Variants in CAMK1 observed in about 807,000 individuals in gnomAD.
CAMK1 encodes the protein calcium/calmodulin-dependent protein kinase type 1.
CAMK1 carries 39 observed loss-of-function variants against 49.1 expected under a neutral mutation model. The ratio of observed to expected loss-of-function variants is 0.79; its 90% confidence interval spans 0.62 to 1.04. The LOEUF is 1.04. Among genes scored for constraint, CAMK1 ranks in the 50% least tolerant of loss-of-function variants. The pLI, the probability that CAMK1 is intolerant of heterozygous loss-of-function variation, is 0.00. For synonymous variants in CAMK1, 192 were observed against 185.2 expected (o/e 1.04, Z -0.30); for missense variants, 457 against 472.2 (o/e 0.97, Z 0.30).
At position 9,764,381 on chromosome 3, in the gene CAMK1, T is replaced by A. The variant is rs190018254; in HGVS notation, c.216-1168A>T. Among the ~76,000 whole-genome samples the A allele has an allele frequency of 1.7e-3, 258 of 152,228 alleles. 3 individuals are homozygous for A. The highest frequency in any genetic ancestry group is 0.011 in the Admixed American group (163 of 15,284). On this transcript the variant is annotated intron_variant, in intron 3 of 11. Transcript: ENST00000256460. ...AGGCTGGAGTGCAATGGCATGATCT[T>A]GGCTCATCACAATTTCTGCCTCCTG...
At position 9,759,755 on chromosome 3, in the gene CAMK1, A is replaced by AC; in HGVS notation, c.746-6dup. ...AGTGCCGGATGAAATCTTTGGCTAAACCCCCAAGACAAAAGCAAAGATAAT... is the reference window on the plus strand; with the variant it reads ...AGTGCCGGATGAAATCTTTGGCTAAACCCCCCAAGACAAAAGCAAAGATAAT... On this transcript the variant is annotated splice_region_variant and splice_polypyrimidine_tract_variant and intron_variant, in intron 8 of 11. Transcript: ENST00000256460. 1 of 1,613,788 alleles carries AC rather than the reference A, an allele frequency of 6.2e-7. No homozygotes were observed. The highest frequency in any genetic ancestry group is 1.3e-5 in the African/African-American group (1 of 74,884).
Position 9,759,707 on chromosome 3 carries a change from T to C in CAMK1, c.789A>G (p.Lys263=). 6.2e-7 allele frequency: 1 copy of C among 1,614,146 alleles called. No individual in the cohort carries two copies. The highest frequency in any genetic ancestry group is 8.5e-7 in the Non-Finnish European group (1 of 1,180,024). The change falls in exon 9 of 12, where the codon AAA becomes AAG. Residue 263 remains lysine (K), a synonymous_variant. Coordinates refer to ENST00000256460, the MANE Select transcript of CAMK1 (RefSeq NM_003656.5). ...IRHLMEKDPE[K]RFTCEQALQH... is the part of the protein sequence containing the mutation. ...GCAAGGCCTGCTCACAGGTGAATCTTTTCTCTGGGTCCTTCTCCATCAAGT... is the reference window on the plus strand; with the variant it reads ...GCAAGGCCTGCTCACAGGTGAATCTCTTCTCTGGGTCCTTCTCCATCAAGT...
chr3:9,761,820 T>G, intron 5 of CAMK1, 63 bp from the exon 6 acceptor site: 1 of 1,592,016 alleles, frequency 6.3e-7, no homozygotes, highest in Non-Finnish European at 8.6e-7. Context: ...TAGAACCTTC[T>G]GCCGCTCCAA....
chr3:9,760,410 G>A, intron 8 of CAMK1: 1 of 443,118 alleles, frequency 2.3e-6, no homozygotes, highest in Admixed American at 3.6e-5. Flanking sequence ...ATAGGGGAGA[G>A]GTATTTTCAA....
Position 9,757,995 on chromosome 3 carries a change from C to T in CAMK1, c.913-149G>A, listed in dbSNP as rs2077666320. 1.5e-6 allele frequency: 2 copies of T among 1,298,064 alleles called. No homozygotes were observed. Among genetic ancestry groups the T allele is most frequent in the Non-Finnish European group, 2.1e-6 (2 of 970,822 alleles). The allele number at this position is 1,298,064 out of a possible 1,614,324, so 80.4% of individuals were successfully genotyped here. On this transcript the variant is annotated intron_variant, in intron 10 of 11. Coordinates refer to ENST00000256460, the MANE Select transcript of CAMK1 (RefSeq NM_003656.5). This position sits in a 1 kb window ranked among gnomAD's most constrained non-coding sequence, Gnocchi z 4.5. Reference sequence around the variant, plus strand: ...AATTCCCCTAAAGCCCCCCAAAAACCTCTACAAGGCTTTATTATATATTTA... The same window carrying T: ...AATTCCCCTAAAGCCCCCCAAAAACTTCTACAAGGCTTTATTATATATTTA...
chr3:9,760,421 A>C (rs2077798772), intron 8 of CAMK1: 1 of 463,040 alleles, frequency 2.2e-6, no homozygotes, highest in East Asian at 4.0e-5. Context: ...GTATTTTCAA[A>C]TAGACTATGT....
Position 9,759,512 on chromosome 3 carries a change from C to T in CAMK1, c.888G>A (p.Lys296=). The T allele has an allele frequency of 6.2e-7, 1 of 1,614,130 alleles. No individual in the cohort carries two copies. Among genetic ancestry groups the T allele is most frequent in the Non-Finnish European group, 8.5e-7 (1 of 1,180,012 alleles). The part of the protein sequence containing the change: ...IHQSVSEQIK[K]NFAKSKWKQA... ...CCTTCCACTTGCTCTTGGCAAAGTTCTTCTTGATCTGCTCACTCACCGACT... is the reference window on the plus strand; with the variant it reads ...CCTTCCACTTGCTCTTGGCAAAGTTTTTCTTGATCTGCTCACTCACCGACT... The change falls in exon 10 of 12, where the codon AAG becomes AAA. Residue 296 remains lysine, a synonymous_variant. Transcript: ENST00000256460.
chr3:9,764,621 T>G (rs1362893079), intron 3 of CAMK1, among the ~76,000 whole-genome samples: 2 of 123,012 alleles, frequency 1.6e-5, no homozygotes, highest in Non-Finnish European at 3.2e-5. Context: ...GTTTTTGTTT[T>G]TTTTTTGTTT....
At chr3:9,760,199 T>C in intron 8 of CAMK1, 1 of 189,962 alleles carries the variant, frequency 5.3e-6, no homozygotes, top group Non-Finnish European at 1.1e-5. Context: ...GCCGAGATTG[T>C]GCCACTGCAC....
intron 5 of CAMK1, chr3:9,761,998 A>C: frequency 2.2e-6 from 1 of 464,728 alleles, no homozygotes; most frequent in Non-Finnish European, 3.8e-6. Flanking sequence ...TAAAGCCCTA[A>C]AGGAATGTTT....
At chr3:9,767,514 A>G (rs918770068) in intron 2 of CAMK1, among the ~76,000 whole-genome samples, 153 bp downstream of exon 2, 1 of 152,242 alleles carries the variant, frequency 6.6e-6, no homozygotes, top group African/African-American at 2.4e-5. Flanking sequence ...ACTGTCATCC[A>G]GAAGTGAAAA....
chr3:9,765,166 G>A (rs1179256490), intron 3 of CAMK1, among the ~76,000 whole-genome samples: 2 of 151,594 alleles, frequency 1.3e-5, no homozygotes, highest in Non-Finnish European at 2.9e-5. Context: ...GGCAGAGGTT[G>A]CAGTGAGCCA....
intron 4 of CAMK1, 34 bp downstream of exon 4, chr3:9,763,105 G>A (rs2077966766): frequency 1.2e-6 from 2 of 1,614,164 alleles, no homozygotes; most frequent in Non-Finnish European, 8.5e-7. Context: ...AGCTGGGAGA[G>A]GTGTGGGGGC....
intron 10 of CAMK1, chr3:9,759,044 C>A: frequency 1.3e-6 from 1 of 754,678 alleles, no homozygotes; most frequent in Non-Finnish European, 2.4e-6. Flanking sequence ...AGAGGCCTGG[C>A]CCCTTACCTG....
chr3:9,762,930 A>T lies in CAMK1; in HGVS notation c.413T>A (p.Val138Glu). The change falls in exon 5 of 12, where the codon GTA (valine) becomes GAA (glutamate). Residue 138 changes from valine to glutamate, a missense_variant. Val to Glu is a moderately radical substitution (Grantham distance 121, BLOSUM62 -2). Transcript: ENST00000256460. ...GAGCCCCACCTTGAGATCCCGGTGT[A>T]CAATGCCCAGGTCATGCAGGTATTT... ...AVKYLHDLGI[V>E]HRDLKPENLL... 1 of 1,614,144 alleles carries T rather than the reference A, an allele frequency of 6.2e-7. No homozygotes were observed. Among genetic ancestry groups the T allele is most frequent in the Non-Finnish European group, 8.5e-7 (1 of 1,180,022 alleles).
At chr3:9,761,379 G>A in intron 7 of CAMK1, 82 bp downstream of exon 7, 1 of 1,410,560 alleles carries the variant, frequency 7.1e-7, no homozygotes, top group Non-Finnish European at 9.7e-7. Flanking sequence ...GAGGGCAGAG[G>A]GAGAGCAGAG....
At chr3:9,769,470 A>T (rs2078247398) in intron 1 of CAMK1, among the ~76,000 whole-genome samples, 1 of 151,832 alleles carries the variant, frequency 6.6e-6, no homozygotes, top group Non-Finnish European at 1.5e-5. Flanking sequence ...GGAACAAAAA[A>T]CACACAGATT....
At chr3:9,767,286 C>A (rs2078180121) in intron 2 of CAMK1, among the ~76,000 whole-genome samples, 1 of 152,156 alleles carries the variant, frequency 6.6e-6, no homozygotes, top group South Asian at 2.1e-4. Context: ...GTCTCTTGCA[C>A]ATGTCTGGGA....
Position 9,761,668 on chromosome 3 carries a change from A to G in CAMK1, c.519T>C (p.Ser173=), listed in dbSNP as rs1173559045. Residue 173 remains serine, a synonymous_variant, in exon 6 of 12, where the codon AGT becomes AGC. Coordinates refer to ENST00000256460, the MANE Select transcript of CAMK1 (RefSeq NM_003656.5). ...FGLSKMEDPG[S]VLSTACGTPG... is the part of the protein sequence containing the mutation. ...GAGTTCCACAGGCGGTGGAGAGCAC[A>G]CTGCCCGGGTCCTCCATCTTGGAGA... is the stretch of plus-strand genomic sequence containing the variant. The G allele has an allele frequency of 2.5e-6, 4 of 1,614,142 alleles. No homozygotes were observed. In the Admixed American group the frequency reaches 6.7e-5, roughly 27 times the overall value.
Sources: gnomAD v4.1 joint callset for allele counts (sites outside exome capture counted in the v4.1 genomes callset) on GRCh38, gnomAD v4.1.1 for gene constraint, Gnocchi (gnomAD v3.1) non-coding constraint, MANE v1.5 for transcripts, NCBI Gene and HGNC (gene_info 2026-07-23, HGNC 2026-07-21) for gene names.